The following EPC2 variants were observed in gnomAD, a reference collection of about 807,000 sequenced individuals.
EPC2 encodes enhancer of polycomb 2, also known as enhancer of polycomb homolog 2.
A neutral mutation model predicts 92.1 loss-of-function variants in EPC2; 14 were observed. The ratio of observed to expected loss-of-function variants is 0.15; its 90% confidence interval spans 0.10 to 0.24. EPC2 has a LOEUF of 0.24. Ranked by LOEUF, EPC2 falls within the 10% of genes least tolerant of loss-of-function variation. The probability of loss-of-function intolerance (pLI) is 1.00; values close to 1 mark genes in which losing one functional copy is unlikely to be tolerated. For synonymous variants in EPC2, 340 were observed against 334.7 expected, an observed-to-expected ratio of 1.02 and a Z score of -0.17; for missense variants, 755 against 971.5, an observed-to-expected ratio of 0.78 and a Z score of 2.96.
chr2:148,776,023 C>T lies in EPC2; in HGVS notation c.1720+4636C>T, dbSNP rs186760598. Among the ~76,000 whole-genome samples, 346 of 151,978 alleles carry T rather than the reference C, an allele frequency of 2.3e-3. 2 individuals carry two copies. The highest frequency in any genetic ancestry group is 0.011 in the East Asian group (56 of 5,170). ...GTCTCGATCTCCTGACCTCGTGATC[C>T]GCCCGCCTTGGCCTCCCAAAGTGCT... On this transcript the variant is annotated intron_variant, in intron 10 of 13. Coordinates refer to ENST00000258484, the MANE Select transcript of EPC2 (RefSeq NM_015630.4).
At chr2:148,764,817 A>G (rs1481325366) in intron 6 of EPC2, 138 bp from the exon 7 acceptor site, 3 of 549,988 alleles carry the variant, frequency 5.5e-6, no homozygotes, top group African/African-American at 2.0e-5. Context: ...TGAACACAGA[A>G]TAATTTTTGC....
intron 1 of EPC2, among the ~76,000 whole-genome samples, chr2:148,664,270 G>A (rs1435595179): frequency 6.6e-6 from 1 of 152,148 alleles, no homozygotes; most frequent in African/African-American, 2.4e-5. Context: ...AGGCCGAGGT[G>A]GGTGGATTGC....
At chr2:148,691,354 A>T (rs138150130) in intron 2 of EPC2, among the ~76,000 whole-genome samples, 23 of 152,324 alleles carry the variant, frequency 1.5e-4, no homozygotes, top group Non-Finnish European at 2.9e-4. Flanking sequence ...AAGGCTCAAC[A>T]TCCGGCCTAG....
intron 1 of EPC2, among the ~76,000 whole-genome samples, chr2:148,673,898 T>C (rs956056463): frequency 1.3e-5 from 2 of 152,242 alleles, no homozygotes; most frequent in Non-Finnish European, 2.9e-5. Flanking sequence ...CTGATTTTAT[T>C]TACTTGTCTA....
intron 7 of EPC2, among the ~76,000 whole-genome samples, chr2:148,767,292 C>T (rs538500481): frequency 2.0e-5 from 3 of 151,948 alleles, no homozygotes; most frequent in Admixed American, 2.0e-4. Flanking sequence ...GAAAGTAGAG[C>T]TCACTCAGCA....
At chr2:148,778,402 T>C (rs1375766388) in intron 10 of EPC2, among the ~76,000 whole-genome samples, 1 of 152,208 alleles carries the variant, frequency 6.6e-6, no homozygotes. Flanking sequence ...CTCTTCCCGA[T>C]GTACTTTGAT....
rs549902924 is a variant in EPC2 at position 148,744,395 on chromosome 2, G to A, written c.459+628G>A. On this transcript the variant is annotated intron_variant, in intron 3 of 13. Coordinates refer to ENST00000258484, the MANE Select transcript of EPC2 (RefSeq NM_015630.4). ...ATGTCAGTGATTTTTGAGCAAGAAT[G>A]TTCAGAATAAATAAGATGTCTCTGA... Among the ~76,000 whole-genome samples, 37 of 152,124 alleles carry A rather than the reference G, an allele frequency of 2.4e-4. 1 individual carries two copies. The South Asian group carries it at 7.5e-3, about 31-fold the overall frequency.
At chr2:148,691,396 G>GT in intron 2 of EPC2, 1 of 976,992 alleles carries the variant, frequency 1.0e-6, no homozygotes, top group Non-Finnish European at 1.5e-6. Flanking sequence ...CAACCTACCT[G>GT]TATGAGAATC....
chr2:148,708,393 A>G (rs1336910246), intron 2 of EPC2, among the ~76,000 whole-genome samples: 1 of 152,238 alleles, frequency 6.6e-6, no homozygotes. Context: ...AGACGGATTC[A>G]CGGCTGAATT....
intron 10 of EPC2, among the ~76,000 whole-genome samples, chr2:148,775,691 TAAAATTAAATATCTTTATTAAATAA>T (rs1433380810): frequency 1.4e-5 from 2 of 147,548 alleles, no homozygotes; most frequent in African/African-American, 4.9e-5. Context: ...TTTAATTAAA[TAAAATTAAATATCTTTATTAAATAA>T]AAAATTAAAT....
intron 1 of EPC2, among the ~76,000 whole-genome samples, chr2:148,665,051 C>G (rs1681031705): frequency 6.6e-6 from 1 of 152,178 alleles, no homozygotes; most frequent in African/African-American, 2.4e-5. Flanking sequence ...AGACATTTAT[C>G]TAGTTTATAA....
chr2:148,775,047 C>A (rs1352736808), intron 10 of EPC2, among the ~76,000 whole-genome samples: 1 of 150,222 alleles, frequency 6.7e-6, no homozygotes, highest in African/African-American at 2.5e-5. Flanking sequence ...CGAGATCCTG[C>A]CACTGCACTC....
At chr2:148,735,386 T>C (rs1682729998) in intron 2 of EPC2, among the ~76,000 whole-genome samples, 1 of 152,062 alleles carries the variant, frequency 6.6e-6, no homozygotes, top group Non-Finnish European at 1.5e-5. Flanking sequence ...TTGCCTCTTA[T>C]CAATCACAAA....
At chr2:148,753,789 G>T in intron 3 of EPC2, 138 bp from the exon 4 acceptor site, 1 of 639,156 alleles carries the variant, frequency 1.6e-6, no homozygotes, top group East Asian at 2.8e-5. Context: ...AGGTTGAATT[G>T]AATTGTGTCT....
At chr2:148,775,050 C>T (rs964046401) in intron 10 of EPC2, among the ~76,000 whole-genome samples, 3 of 148,064 alleles carry the variant, frequency 2.0e-5, no homozygotes, top group Non-Finnish European at 4.4e-5. Context: ...GATCCTGCCA[C>T]TGCACTCCAG....
intron 10 of EPC2, among the ~76,000 whole-genome samples, chr2:148,774,685 A>T (rs1301621014): frequency 6.6e-6 from 1 of 150,752 alleles, no homozygotes; most frequent in Admixed American, 6.7e-5. Flanking sequence ...AGGAAAATTG[A>T]AAAGTGTATC....
chr2:148,647,017 G>C (rs993678277), intron 1 of EPC2, among the ~76,000 whole-genome samples: 3 of 152,006 alleles, frequency 2.0e-5, no homozygotes, highest in Non-Finnish European at 4.4e-5. Flanking sequence ...GGCTGAGGCA[G>C]AAGAATTGCT....
chr2:148,691,669 T>C (rs915172444), intron 2 of EPC2: 1 of 1,499,082 alleles, frequency 6.7e-7, no homozygotes, highest in Non-Finnish European at 9.1e-7. Flanking sequence ...TTTTTGCTTG[T>C]TTGTTTTGTT....
At chr2:148,702,153 T>A (rs991381961) in intron 2 of EPC2, among the ~76,000 whole-genome samples, 1 of 152,206 alleles carries the variant, frequency 6.6e-6, no homozygotes, top group African/African-American at 2.4e-5. Context: ...GTCAGGTGGC[T>A]TGTTTTTGTA....
Sources: allele counts gnomAD v4.1 joint callset (sites outside exome capture counted in the v4.1 genomes callset), GRCh38; gene constraint gnomAD v4.1.1; transcripts MANE v1.5; gene names NCBI Gene and HGNC (gene_info 2026-07-23, HGNC 2026-07-21).